The following DHRS7B variants were observed in gnomAD, a reference collection of about 807,000 sequenced individuals.
The protein encoded by DHRS7B is peroxisomal reductase activating PPAR-gamma.
In DHRS7B, 24 loss-of-function variants were observed where a neutral mutation model predicts 26.4. The ratio of observed to expected loss-of-function variants is 0.91; its 90% confidence interval spans 0.66 to 1.28. The LOEUF (loss-of-function observed/expected upper bound fraction) is 1.28, where lower values mean the gene tolerates loss of function less well. Among genes scored for constraint, DHRS7B ranks in the 50% most tolerant of loss-of-function variants. The pLI, the probability that DHRS7B is intolerant of heterozygous loss-of-function variation, is 0.00. For synonymous variants in DHRS7B, 142 were observed against 166.4 expected (o/e 0.85, Z 1.13); for missense variants, 368 against 419.4 (o/e 0.88, Z 1.07).
chr17:21,191,325 A>G lies in DHRS7B; in HGVS notation c.*172A>G. On this transcript the variant is annotated 3_prime_UTR_variant, in exon 7 of 7. Coordinates refer to ENST00000395511, the MANE Select transcript of DHRS7B (RefSeq NM_015510.5). ...TGGCAGAGGACAATCAAAAACGACA[A>G]CAAGCTTCTTCCCAGGGTGAGGGGA... 1.5e-6 allele frequency: 1 copy of G among 659,196 alleles called. No individual in the cohort carries two copies. Among genetic ancestry groups the G allele is most frequent in the Non-Finnish European group, 2.6e-6 (1 of 389,912 alleles). The allele number at this position is 659,196 out of a possible 1,614,324, so 40.8% of individuals were successfully genotyped here.
chr17:21,148,183 G>T (rs569036143), intron 1 of DHRS7B, among the ~76,000 whole-genome samples: 216 of 151,924 alleles, frequency 1.4e-3, no homozygotes, highest in Admixed American at 2.0e-3. Context: ...CCAAAACACT[G>T]GGATTACAGG....
intron 1 of DHRS7B, among the ~76,000 whole-genome samples, chr17:21,150,369 C>A (rs1192107168): frequency 6.6e-6 from 1 of 152,172 alleles, no homozygotes; most frequent in Non-Finnish European, 1.5e-5. Flanking sequence ...GTAATCCCAG[C>A]ACTTTGGGAG....
chr17:21,166,489 T>C (rs1466260176), intron 1 of DHRS7B: 1 of 985,070 alleles, frequency 1.0e-6, no homozygotes, highest in Non-Finnish European at 1.2e-6. Context: ...ATTGTTCTTT[T>C]TTTTTTCCAG....
At chr17:21,164,322 G>A (rs1247751205) in intron 1 of DHRS7B, among the ~76,000 whole-genome samples, 1 of 152,080 alleles carries the variant, frequency 6.6e-6, no homozygotes, top group Non-Finnish European at 1.5e-5. Flanking sequence ...ATGAGCCACT[G>A]GGCCAGCCTT....
intron 1 of DHRS7B, among the ~76,000 whole-genome samples, chr17:21,164,918 C>G (rs1974078045): frequency 6.6e-6 from 1 of 152,170 alleles, no homozygotes; most frequent in Non-Finnish European, 1.5e-5. Flanking sequence ...CAAACATACT[C>G]AAACATGACG....
At chr17:21,163,215 C>CA (rs908327434) in intron 1 of DHRS7B, among the ~76,000 whole-genome samples, 1 of 151,226 alleles carries the variant, frequency 6.6e-6, no homozygotes, top group African/African-American at 2.4e-5. Context: ...CAAAAAAAAC[C>CA]AAAAAACAAA....
intron 1 of DHRS7B, among the ~76,000 whole-genome samples, chr17:21,138,123 CACACACACAT>C (rs1482596238): frequency 1.4e-5 from 2 of 141,778 alleles, no homozygotes; most frequent in African/African-American, 5.3e-5. Context: ...CACACACACA[CACACACACAT>C]ATATTTATTG....
rs61516968 is a variant in DHRS7B, at chr17:21,150,105, T to TAAA, written c.21-21888_21-21886dup. Among the ~76,000 whole-genome samples the TAAA allele has an allele frequency of 3.5e-3, 173 of 50,024 alleles. 5 individuals are homozygous for TAAA. Among genetic ancestry groups the TAAA allele is most frequent in the African/African-American group, 0.012 (165 of 13,286 alleles). The allele number at this position is 50,024 out of a possible 152,430, so 32.8% of individuals were successfully genotyped here. On this transcript the variant is annotated intron_variant, in intron 1 of 6. Transcript: ENST00000395511. ...AACATAACAAGGCTCCATCTCTATT[T>TAAA]AAAAAAAAAAAAAAAAAAAAAAAAA...
At chr17:21,169,860 G>A (rs1239963300) in intron 1 of DHRS7B, among the ~76,000 whole-genome samples, 1 of 152,084 alleles carries the variant, frequency 6.6e-6, no homozygotes, top group Admixed American at 6.5e-5. Context: ...TCCCTGAGCT[G>A]AGGCCCCCAC....
At chr17:21,178,521 G>A (rs1325466522) in intron 3 of DHRS7B, among the ~76,000 whole-genome samples, 179 bp downstream of exon 3, 1 of 152,190 alleles carries the variant, frequency 6.6e-6, no homozygotes, top group East Asian at 1.9e-4. Context: ...AGAGAGAACT[G>A]TCCAGTGGTT....
intron 2 of DHRS7B, 133 bp from the exon 3 acceptor site, chr17:21,178,100 C>T (rs1974423265): frequency 3.7e-6 from 3 of 803,408 alleles, no homozygotes; most frequent in African/African-American, 3.5e-5. Flanking sequence ...CTCCCAGCTT[C>T]ATGCTGGGCC....
chr17:21,138,390 A>AT (rs1330688464), intron 1 of DHRS7B, among the ~76,000 whole-genome samples: 12 of 149,252 alleles, frequency 8.0e-5, no homozygotes, highest in African/African-American at 2.5e-4. Context: ...TGCCCCACTA[A>AT]TTTTTTCTAT....
intron 1 of DHRS7B, 41 bp downstream of exon 1, chr17:21,127,032 A>T (rs1227448881): frequency 4.6e-6 from 7 of 1,512,150 alleles, no homozygotes; most frequent in Non-Finnish European, 6.2e-6. Flanking sequence ...ATGAGGCGAT[A>T]GGGTCTGGCC....
intron 3 of DHRS7B, 117 bp downstream of exon 3, chr17:21,178,459 GTC>G (rs1974436103): frequency 1.1e-5 from 9 of 814,876 alleles, no homozygotes; most frequent in Non-Finnish European, 1.8e-5. Context: ...GCGTCACACT[GTC>G]CCAGGGAAGG....
chr17:21,174,247 G>A lies in DHRS7B; in HGVS notation c.199+2051G>A, dbSNP rs550737654. 3.3e-5 allele frequency among the ~76,000 whole-genome samples: 5 copies of A among 152,356 alleles called. No homozygotes were observed. In the South Asian group the frequency reaches 1.0e-3, roughly 32 times the overall value. ...AGCCACCCGGAAGGTTTGGAGTTAT[G>A]CAACGAGTCTTCAGTTTTCCGTGTT... On this transcript the variant is annotated intron_variant, in intron 2 of 6. Transcript: ENST00000395511.
chr17:21,163,011 C>T (rs1290172964), intron 1 of DHRS7B, among the ~76,000 whole-genome samples: 3 of 151,948 alleles, frequency 2.0e-5, no homozygotes, highest in Admixed American at 2.0e-4. Context: ...GCCTGGCCAG[C>T]ATGGAGAAAC....
chr17:21,172,961 A>G (rs1974294594), intron 2 of DHRS7B, among the ~76,000 whole-genome samples: 1 of 152,214 alleles, frequency 6.6e-6, no homozygotes, highest in Admixed American at 6.5e-5. Context: ...ACACCATACC[A>G]TCTGCCATCC....
At chr17:21,167,023 A>G (rs1284093333) in intron 1 of DHRS7B, among the ~76,000 whole-genome samples, 1 of 152,124 alleles carries the variant, frequency 6.6e-6, no homozygotes, top group Non-Finnish European at 1.5e-5. Flanking sequence ...AAAAAAAAAA[A>G]TGCTCGAGAG....
At chr17:21,148,003 C>T (rs1973679069) in intron 1 of DHRS7B, among the ~76,000 whole-genome samples, 1 of 152,164 alleles carries the variant, frequency 6.6e-6, no homozygotes, top group East Asian at 1.9e-4. Context: ...ACTGCATGAG[C>T]CCAGGAGTTT....
Sources: gnomAD v4.1 joint callset for allele counts (sites outside exome capture counted in the v4.1 genomes callset) on GRCh38, gnomAD v4.1.1 for gene constraint, MANE v1.5 for transcripts, NCBI Gene and HGNC (gene_info 2026-07-23, HGNC 2026-07-21) for gene names.